Variants in PLA2G4A observed in about 807,000 individuals in gnomAD.
PLA2G4A encodes phospholipase A2 group IVA, also known as cytosolic phospholipase A2.
In PLA2G4A, 40 loss-of-function variants were observed where a neutral mutation model predicts 81.9. The ratio of observed to expected loss-of-function variants is 0.49; its 90% CI spans 0.38 to 0.64. The LOEUF (loss-of-function observed/expected upper bound fraction) is 0.64, where lower values mean the gene tolerates loss of function less well. PLA2G4A is among the 30% of genes least tolerant of loss of function. PLA2G4A has a pLI of 0.00. For synonymous variants in PLA2G4A, 302 were observed against 296.9 expected (o/e 1.02, Z -0.18); for missense variants, 715 against 905.1 (o/e 0.79, Z 2.69).
chr1:186,898,565 G>C (rs1654427932), intron 5 of PLA2G4A, among the ~76,000 whole-genome samples: 1 of 152,134 alleles, frequency 6.6e-6, no homozygotes, highest in African/African-American at 2.4e-5. Flanking sequence ...GAAAATAAAG[G>C]TATGCAACAG....
chr1:186,982,479 T>A (rs1657752718), intron 17 of PLA2G4A, among the ~76,000 whole-genome samples: 1 of 152,220 alleles, frequency 6.6e-6, no homozygotes, highest in Non-Finnish European at 1.5e-5. Flanking sequence ...CATGTCCTTA[T>A]CTTGTACCCC....
chr1:186,985,832 G>T (rs925966007), intron 17 of PLA2G4A, among the ~76,000 whole-genome samples: 10 of 152,006 alleles, frequency 6.6e-5, no homozygotes, highest in Admixed American at 4.6e-4. Context: ...TGAATTTCAG[G>T]GAAGAATGAA....
chr1:186,905,253 G>C (rs1483717944), intron 5 of PLA2G4A, among the ~76,000 whole-genome samples: 1 of 152,168 alleles, frequency 6.6e-6, no homozygotes, highest in African/African-American at 2.4e-5. Context: ...CACAATGAAA[G>C]AGGCCTTGAA....
At position 186,911,770 on chromosome 1, in the gene PLA2G4A, A is replaced by T. The variant is rs1453538065; in HGVS notation, c.558+381A>T. Among the ~76,000 whole-genome samples, 3 of 152,024 alleles carry T rather than the reference A, an allele frequency of 2.0e-5. No individual in the cohort carries two copies. The East Asian group carries it at 5.8e-4, about 29-fold the overall frequency. ...AGATATACACAGTAGATATGAGGAG[A>T]TTTATTATGAAGTTTGGCTCACATG... On this transcript the variant is annotated intron_variant, in intron 7 of 17. Transcript: ENST00000367466.
chr1:186,897,125 T>C (rs1216468029), intron 5 of PLA2G4A, among the ~76,000 whole-genome samples: 7 of 152,188 alleles, frequency 4.6e-5, no homozygotes, highest in African/African-American at 1.7e-4. Flanking sequence ...GGTAAACAAA[T>C]TCTTCAAGGC....
In PLA2G4A at chr1:186,888,513, C is replaced by T. The variant is rs574352657; in HGVS notation, c.116-4498C>T. 1.1e-4 allele frequency among the ~76,000 whole-genome samples: 17 copies of T among 152,292 alleles called. No individual in the cohort carries two copies. The East Asian group carries it at 2.9e-3, about 26-fold the overall frequency. ...TCTGAAAAGGCAATTTCCCCACCTA[C>T]GATTTGACCTTATTTGTGTGTAATA... is the stretch of plus-strand genomic sequence containing the variant. On this transcript the variant is annotated intron_variant, in intron 3 of 17. Transcript: ENST00000367466.
rs1320533694 is a variant in PLA2G4A at position 186,938,872 on chromosome 1, T to C, written c.696-136T>C. The C allele has an allele frequency of 4.9e-5, 33 of 678,438 alleles. No individual in the cohort carries two copies. In the East Asian group the frequency reaches 8.7e-4, roughly 18 times the overall value. The allele number at this position is 678,438 out of a possible 1,614,324, so 42.0% of individuals were successfully genotyped here. A position where few individuals can be genotyped will look rare whatever the true frequency, so the allele number is the denominator to read the frequency against. On this transcript the variant is annotated intron_variant, in intron 8 of 17. Coordinates refer to ENST00000367466, the MANE Select transcript of PLA2G4A (RefSeq NM_024420.3). ...ATTGACACATTCTTTTCTTAAATGT[T>C]TTAATATCTGCAATCAGATAATGAA... is the stretch of plus-strand genomic sequence containing the variant.
At chr1:186,910,738 T>G (rs1478820952) in intron 6 of PLA2G4A, among the ~76,000 whole-genome samples, 1 of 152,132 alleles carries the variant, frequency 6.6e-6, no homozygotes, top group Non-Finnish European at 1.5e-5. Context: ...TGATTAGAAG[T>G]TCCTTTCTTT....
chr1:186,898,475 A>C (rs943780582), intron 5 of PLA2G4A, among the ~76,000 whole-genome samples: 8 of 152,182 alleles, frequency 5.3e-5, no homozygotes, highest in African/African-American at 1.9e-4. Context: ...GGGAGCTTGC[A>C]TTCTAATAGG....
chr1:186,855,505 C>T (rs1336592070), intron 2 of PLA2G4A, among the ~76,000 whole-genome samples: 1 of 151,962 alleles, frequency 6.6e-6, no homozygotes, highest in Non-Finnish European at 1.5e-5. Flanking sequence ...AACCATCACT[C>T]AGATTATAAG....
intron 2 of PLA2G4A, among the ~76,000 whole-genome samples, chr1:186,868,420 A>C (rs1304091260): frequency 6.6e-6 from 1 of 152,102 alleles, no homozygotes; most frequent in Non-Finnish European, 1.5e-5. Flanking sequence ...TTGATTTGCT[A>C]ATATTTTGAT....
At chr1:186,854,415 T>C (rs1380440390) in intron 2 of PLA2G4A, 28 bp downstream of exon 2, 1 of 1,425,924 alleles carries the variant, frequency 7.0e-7, no homozygotes, top group South Asian at 1.1e-5. Context: ...TATGAATTCT[T>C]TCTTGGAGGG....
At chr1:186,838,948 T>C (rs1483377874) in intron 1 of PLA2G4A, among the ~76,000 whole-genome samples, 1 of 152,190 alleles carries the variant, frequency 6.6e-6, no homozygotes, top group Non-Finnish European at 1.5e-5. Flanking sequence ...TAAAAGTCAC[T>C]TCCTTTTCTT....
intron 7 of PLA2G4A, among the ~76,000 whole-genome samples, chr1:186,924,335 C>T (rs1655468807): frequency 6.6e-6 from 1 of 152,246 alleles, no homozygotes; most frequent in Non-Finnish European, 1.5e-5. Context: ...CTCCTTTAGA[C>T]ACCAGTGCTA....
intron 14 of PLA2G4A, among the ~76,000 whole-genome samples, chr1:186,959,515 T>C (rs1256863604): frequency 2.0e-5 from 3 of 152,200 alleles, no homozygotes; most frequent in Non-Finnish European, 2.9e-5. Flanking sequence ...ATGTATTCAG[T>C]TGAAAAATGT....
chr1:186,950,777 T>C, intron 13 of PLA2G4A, 49 bp downstream of exon 13: 1 of 937,268 alleles, frequency 1.1e-6, no homozygotes, highest in Non-Finnish European at 1.8e-6. Context: ...GGAAAGGATA[T>C]GAACACTCTG....
chr1:186,988,650 A>G lies in PLA2G4A; in HGVS notation c.*142A>G, dbSNP rs1193984662. 7 of 697,842 alleles carry G rather than the reference A, an allele frequency of 1.0e-5. No individual in the cohort carries two copies. The highest frequency in any genetic ancestry group is 1.4e-5 in the South Asian group (1 of 69,080). The allele number at this position is 697,842 out of a possible 1,614,324, so 43.2% of individuals were successfully genotyped here. A position where few individuals can be genotyped will look rare whatever the true frequency, so the allele number is the denominator to read the frequency against. ...CTCAAAGTTGCAGTTACTTAGCTGC[A>G]TGAGAATAATACTATTATAAGTTAG... On this transcript the variant is annotated 3_prime_UTR_variant, in exon 18 of 18. Coordinates refer to ENST00000367466, the MANE Select transcript of PLA2G4A (RefSeq NM_024420.3).
At chr1:186,909,371 G>C (rs1382154935) in intron 6 of PLA2G4A, among the ~76,000 whole-genome samples, 5 of 147,646 alleles carry the variant, frequency 3.4e-5, no homozygotes, top group Non-Finnish European at 7.5e-5. Context: ...ACTTAAAAGT[G>C]TTCATTTGGC....
intron 14 of PLA2G4A, 41 bp downstream of exon 14, chr1:186,956,385 A>T: frequency 1.3e-6 from 2 of 1,560,898 alleles, no homozygotes; most frequent in South Asian, 2.2e-5. Context: ...AATGCAGGAG[A>T]TCTTTATTCC....
Sources: allele counts gnomAD v4.1 joint callset (sites outside exome capture counted in the v4.1 genomes callset), GRCh38; gene constraint gnomAD v4.1.1; transcripts MANE v1.5; gene names NCBI Gene and HGNC (gene_info 2026-07-23, HGNC 2026-07-21).